Variants in RNF126 observed in about 807,000 individuals in gnomAD.
The protein encoded by RNF126 is ring finger protein 126.
In RNF126, 20 loss-of-function variants were observed where a neutral mutation model predicts 41.9. That is an observed-to-expected ratio of 0.48 (90% CI 0.34 to 0.69). The LOEUF is 0.69. Ranked by LOEUF, RNF126 falls within the 30% of genes least tolerant of loss-of-function variation. The probability of loss-of-function intolerance (pLI) is 0.01; values close to 1 mark genes in which losing one functional copy is unlikely to be tolerated. For missense variants in RNF126, 433 were observed against 460.6 expected, an observed-to-expected ratio of 0.94 and a Z score of 0.55; for synonymous variants, 239 against 202.9, an observed-to-expected ratio of 1.18 and a Z score of -1.51.
At chr19:651,261 G>C (rs998567627) in intron 4 of RNF126, 1 of 187,296 alleles carries the variant, frequency 5.3e-6, no homozygotes, top group South Asian at 1.6e-4. Flanking sequence ...CCCAGGCTCC[G>C]TTCCACCAGG....
chr19:653,413 G>A (rs776221679), intron 1 of RNF126, among the ~76,000 whole-genome samples: 1 of 152,246 alleles, frequency 6.6e-6, no homozygotes, highest in South Asian at 2.1e-4. Context: ...TGATGTCCCA[G>A]AGGAGACGTG....
rs761154921 is a variant in RNF126 at position 648,243 on chromosome 19, G to A, written c.821C>T (p.Thr274Met). 12 of 1,589,032 alleles carry A rather than the reference G, an allele frequency of 7.6e-6. No homozygotes were observed. The highest frequency in any genetic ancestry group is 5.4e-5 in the Admixed American group (3 of 56,062). The change falls in exon 9 of 9, where the codon ACG becomes ATG. Residue 274 changes from threonine to methionine, a missense_variant. Thr to Met is a moderately conservative substitution (Grantham distance 81). Around this residue, in one of 5 missense-constraint regions of RNF126, gnomAD observed 4 missense variants for 20.7 expected, o/e 0.19. Coordinates refer to ENST00000292363, the MANE Select transcript of RNF126 (RefSeq NM_194460.3). ...GGGGTTCGTGGCCGTGTTCTGTCCCGTGAGGCTTTTTCGGCAGACGGGGCA... is the reference window on the plus strand; with the variant it reads ...GGGGTTCGTGGCCGTGTTCTGTCCCATGAGGCTTTTTCGGCAGACGGGGCA... ...DSCPVCRKSL[T>M]GQNTATNPPG... is the part of the protein sequence containing the mutation.
At position 659,682 on chromosome 19, in the gene RNF126, G is replaced by A. The variant is rs1237319639; in HGVS notation, c.75+3365C>T. Among the ~76,000 whole-genome samples the A allele has an allele frequency of 6.6e-6, 1 of 152,058 alleles. No homozygotes were observed. The highest frequency in any genetic ancestry group is 1.5e-5 in the Non-Finnish European group (1 of 67,992). ...CCGCCTGTGGCCTGAGCTCCAGCTG[G>A]CCTGTCTGGTTCCTGCCGCCACACG... On this transcript the variant is annotated intron_variant, in intron 1 of 8. Transcript: ENST00000292363. This position sits in a 1 kb window ranked among gnomAD's most constrained non-coding sequence, Gnocchi z 4.9.
rs1336311156 is a variant in RNF126, at chr19:648,702, C to G, written c.670+180G>C. ...AAATGCTCGAGGCCGGGTGCGGTGG[C>G]TCACGCCTGTCATCCCAGCACTTTG... On this transcript the variant is annotated intron_variant, in intron 7 of 8. Coordinates refer to ENST00000292363, the MANE Select transcript of RNF126 (RefSeq NM_194460.3). Among the ~76,000 whole-genome samples, 3 of 152,248 alleles carry G rather than the reference C, an allele frequency of 2.0e-5. No homozygotes were observed. In the East Asian group the frequency reaches 5.8e-4, roughly 29 times the overall value.
rs1250324307 is a variant in RNF126 at position 653,754 on chromosome 19, G to C, written c.76-870C>G. On this transcript the variant is annotated intron_variant, in intron 1 of 8. Coordinates refer to ENST00000292363, the MANE Select transcript of RNF126 (RefSeq NM_194460.3). ...GCACAGCCTGCAGAACTGGAAACTG[G>C]AAGCTAAATCAACTGCTCTCTATGA... 2.0e-5 allele frequency among the ~76,000 whole-genome samples: 3 copies of C among 152,222 alleles called. No individual in the cohort carries two copies. The East Asian group carries it at 5.8e-4, about 29-fold the overall frequency.
rs1272091243 is a variant in RNF126, at chr19:658,634, C to G, written c.75+4413G>C. Reference sequence around the variant, plus strand: ...GCCCTCAGCAGCTGCCACCACATCCCACATTCACACCGTCTGTCCCTGGGC... The same window carrying G: ...GCCCTCAGCAGCTGCCACCACATCCGACATTCACACCGTCTGTCCCTGGGC... On this transcript the variant is annotated intron_variant, in intron 1 of 8. Coordinates refer to ENST00000292363, the MANE Select transcript of RNF126 (RefSeq NM_194460.3). Among the ~76,000 whole-genome samples, 9 of 152,050 alleles carry G rather than the reference C, an allele frequency of 5.9e-5. No individual in the cohort carries two copies. In the East Asian group the frequency reaches 1.5e-3, roughly 26 times the overall value.
chr19:651,869 G>A lies in RNF126; in HGVS notation c.199-14C>T, dbSNP rs370334128. 1.6e-5 allele frequency: 26 copies of A among 1,600,058 alleles called. No homozygotes were observed. The highest frequency in any genetic ancestry group is 2.1e-5 in the Non-Finnish European group (25 of 1,173,878). On this transcript the variant is annotated splice_polypyrimidine_tract_variant and intron_variant, in intron 3 of 8. Coordinates refer to ENST00000292363, the MANE Select transcript of RNF126 (RefSeq NM_194460.3). ...CTGGTCCACGTGCTGGGGAGAGGAG[G>A]GGGGCGTGACCTCGGGGGCTCAGGC...
At chr19:655,053 T>C (rs113782750) in intron 1 of RNF126, among the ~76,000 whole-genome samples, 5 of 151,948 alleles carry the variant, frequency 3.3e-5, no homozygotes, top group Non-Finnish European at 7.4e-5. Context: ...CTCACACCTG[T>C]GATCCCAGTA....
At position 658,099 on chromosome 19, in the gene RNF126, G is replaced by A. The variant is rs539115692; in HGVS notation, c.75+4948C>T. 3.3e-5 allele frequency among the ~76,000 whole-genome samples: 5 copies of A among 152,108 alleles called. No homozygotes were observed. The South Asian group carries it at 1.0e-3, about 32-fold the overall frequency. On this transcript the variant is annotated intron_variant, in intron 1 of 8. Coordinates refer to ENST00000292363, the MANE Select transcript of RNF126 (RefSeq NM_194460.3). ...TGAATCCATTCACCTCTCCGTCAGAGAACAGATGCAGGAGGTACGATCACC... is the reference window on the plus strand; with the variant it reads ...TGAATCCATTCACCTCTCCGTCAGAAAACAGATGCAGGAGGTACGATCACC...
chr19:654,328 C>A (rs1048554449), intron 1 of RNF126, among the ~76,000 whole-genome samples: 2 of 152,212 alleles, frequency 1.3e-5, no homozygotes, highest in Admixed American at 1.3e-4. Context: ...TTTCAGCCCA[C>A]GCCCCACGAA....
intron 1 of RNF126, among the ~76,000 whole-genome samples, chr19:654,219 G>T (rs189499664): frequency 1.2e-3 from 190 of 152,368 alleles, no homozygotes; most frequent in African/African-American, 4.0e-3. Context: ...GATGCCAGAT[G>T]CACATGAACC....
At position 648,145 on chromosome 19, in the gene RNF126, C is replaced by T. The variant is rs374820130; in HGVS notation, c.919G>A (p.Ala307Thr). The T allele has an allele frequency of 1.7e-5, 27 of 1,594,360 alleles. No homozygotes were observed. Among genetic ancestry groups the T allele is most frequent in the Middle Eastern group, 1.7e-4 (1 of 6,002 alleles). Residue 307 changes from alanine (A) to threonine (T), a missense_variant, in exon 9 of 9, where the codon GCC becomes ACC. Physicochemically the swap from Ala to Thr is moderately conservative, Grantham distance 58. Around this residue, in one of 5 missense-constraint regions of RNF126, gnomAD observed 63 missense variants for 47.9 expected, o/e 1.32. Coordinates refer to ENST00000292363, the MANE Select transcript of RNF126 (RefSeq NM_194460.3). ...SSSSSPSNEN[A>T]TSNS ...ACGTGGGCTCACGAGTTGCTTGTGG[C>T]GTTCTCGTTGCTGGGCGAGCTGGAG... is the stretch of plus-strand genomic sequence containing the variant.
chr19:648,666 C>T (rs1210216676), intron 7 of RNF126, among the ~76,000 whole-genome samples, 179 bp from the exon 8 acceptor site: 1 of 152,158 alleles, frequency 6.6e-6, no homozygotes, highest in Non-Finnish European at 1.5e-5. Flanking sequence ...CCTCCCAGCC[C>T]ACCTTCAGGG....
chr19:652,350 A>G, intron 2 of RNF126, 54 bp from the exon 3 acceptor site: 1 of 1,427,542 alleles, frequency 7.0e-7, no homozygotes, highest in African/African-American at 1.4e-5. Flanking sequence ...CCCATGCGCC[A>G]GGCGCTCCCT....
At chr19:656,827 G>C (rs894394155) in intron 1 of RNF126, among the ~76,000 whole-genome samples, 1 of 152,158 alleles carries the variant, frequency 6.6e-6, no homozygotes, top group African/African-American at 2.4e-5. Flanking sequence ...TAAACACGCT[G>C]AGACTTCACA....
chr19:656,179 T>A (rs1218067791), intron 1 of RNF126, among the ~76,000 whole-genome samples: 2 of 151,908 alleles, frequency 1.3e-5, no homozygotes, highest in African/African-American at 4.8e-5. Flanking sequence ...TTATATGGTG[T>A]GTGAAAATAC....
intron 1 of RNF126, among the ~76,000 whole-genome samples, chr19:658,776 C>T (rs1209173603): frequency 2.0e-5 from 3 of 152,220 alleles, no homozygotes; most frequent in Admixed American, 6.5e-5. Flanking sequence ...GCCCAGGCCC[C>T]GAACTCTGCC....
At chr19:662,981 G>C in intron 1 of RNF126, 66 bp downstream of exon 1, 1 of 794,788 alleles carries the variant, frequency 1.3e-6, no homozygotes, top group Non-Finnish European at 1.7e-6. Context: ...CCCCCACCCC[G>C]GCCCCGGCCT....
rs891671604 is a variant in RNF126 at position 654,056 on chromosome 19, T to G, written c.76-1172A>C. On this transcript the variant is annotated intron_variant, in intron 1 of 8. Coordinates refer to ENST00000292363, the MANE Select transcript of RNF126 (RefSeq NM_194460.3). ...CAAGCAAGATCCCGGCCTCACCCAC[T>G]GACTCTGGGGAGAAGCGGGGGTCTG... Among the ~76,000 whole-genome samples the G allele has an allele frequency of 2.6e-5, 4 of 152,306 alleles. No individual in the cohort carries two copies. The South Asian group carries it at 8.3e-4, about 32-fold the overall frequency.
Sources: gnomAD v4.1 joint callset for allele counts (sites outside exome capture counted in the v4.1 genomes callset) on GRCh38, gnomAD v4.1.1 for gene constraint, gnomAD v4.1.1 regional missense constraint, Gnocchi (gnomAD v3.1) non-coding constraint, MANE v1.5 for transcripts, NCBI Gene and HGNC (gene_info 2026-07-23, HGNC 2026-07-21) for gene names.